PAK4: variants seen among roughly 807,000 people sequenced by gnomAD.
The protein encoded by PAK4 is serine/threonine-protein kinase PAK 4.
A neutral mutation model predicts 53.5 loss-of-function variants in PAK4; 49 were observed. The ratio of observed to expected loss-of-function variants is 0.92; its 90% confidence interval spans 0.73 to 1.16. The LOEUF (loss-of-function observed/expected upper bound fraction) is 1.16, where lower values mean the gene tolerates loss of function less well. PAK4 is among the 50% of genes most tolerant of loss of function. The pLI, the probability that PAK4 is intolerant of heterozygous loss-of-function variation, is 0.00. For synonymous variants in PAK4, 376 were observed against 375.6 expected (o/e 1.00, Z -0.01); for missense variants, 824 against 850.7 (o/e 0.97, Z 0.39).
chr19:39,180,721 G>A (rs978000100), downstream of PAK4: 1 of 152,294 alleles, frequency 6.6e-6, no homozygotes, highest in African/African-American at 2.4e-5. Flanking sequence ...TGGGATTACA[G>A]GCATGAGCCA....
At chr19:39,152,791 G>T (rs1159232094) in intron 1 of PAK4, among the ~76,000 whole-genome samples, 1 of 152,118 alleles carries the variant, frequency 6.6e-6, no homozygotes, top group Non-Finnish European at 1.5e-5. Context: ...CCCATTGGGG[G>T]TCTTGGAACA....
intron 7 of PAK4, 26 bp downstream of exon 8, chr19:39,176,741 C>T (rs200016679): frequency 1.2e-6 from 2 of 1,603,668 alleles, no homozygotes; most frequent in African/African-American, 2.7e-5. Context: ...GCTTGGTTGT[C>T]CCGCCGTGGA....
In PAK4 at chr19:39,133,785, C is replaced by T. The variant is rs139864774; in HGVS notation, c.-23+7866C>T. Among the ~76,000 whole-genome samples, 9 of 152,336 alleles carry T rather than the reference C, an allele frequency of 5.9e-5. No homozygotes were observed. In the East Asian group the frequency reaches 7.7e-4, roughly 13 times the overall value. ...CTCCTGATAAAGCAGCATTGTGCAGCGGTTTTGAGTTCACTTCCCAGCCCG... is the reference window on the plus strand; with the variant it reads ...CTCCTGATAAAGCAGCATTGTGCAGTGGTTTTGAGTTCACTTCCCAGCCCG... On this transcript the variant is annotated intron_variant, in intron 1 of 8. Coordinates refer to ENST00000358301, the Ensembl canonical transcript of PAK4.
At chr19:39,126,200 CAAAGT>C (rs964920372) in intron 1 of PAK4, among the ~76,000 whole-genome samples, 8 of 151,990 alleles carry the variant, frequency 5.3e-5, no homozygotes, top group African/African-American at 1.9e-4. Flanking sequence ...AAGGCAGGGT[CAAAGT>C]TAATAATTTG....
rs2074661910 is a variant in PAK4 at position 39,178,725 on chromosome 19, C to T, written c.*146C>T. ...CTCCTTGCTGGGGGTAGATGAGACCCTACTACTGAACTCCAGTTTTGATCT... is the reference window on the plus strand; with the variant it reads ...CTCCTTGCTGGGGGTAGATGAGACCTTACTACTGAACTCCAGTTTTGATCT... On this transcript the variant is annotated 3_prime_UTR_variant, in exon 9 of 9. Transcript: ENST00000358301. This position sits in a 1 kb window ranked among gnomAD's most constrained non-coding sequence, Gnocchi z 4.4. 1.5e-6 allele frequency: 1 copy of T among 651,052 alleles called. No individual in the cohort carries two copies. The highest frequency in any genetic ancestry group is 1.9e-5 in the African/African-American group (1 of 52,436). The allele number at this position is 651,052 out of a possible 1,614,324, so 40.3% of individuals were successfully genotyped here. A position where few individuals can be genotyped will look rare whatever the true frequency, so the allele number is the denominator to read the frequency against.
At chr19:39,172,783 C>T in intron 2 of PAK4, 135 bp from the exon 4 acceptor site, 2 of 765,946 alleles carry the variant, frequency 2.6e-6, no homozygotes, top group East Asian at 2.7e-5. Context: ...GCCATTGTCA[C>T]TCCATGGCAT....
intron 1 of PAK4, among the ~76,000 whole-genome samples, chr19:39,131,145 A>C (rs142995932): frequency 1.3e-5 from 2 of 152,130 alleles, no homozygotes; most frequent in Non-Finnish European, 2.9e-5. Context: ...TGGCAGAGGT[A>C]GGATTGAACC....
At chr19:39,128,996 G>A (rs556773228) in intron 1 of PAK4, among the ~76,000 whole-genome samples, 2 of 152,364 alleles carry the variant, frequency 1.3e-5, no homozygotes, top group East Asian at 3.9e-4. Context: ...GCCAGCAGGG[G>A]CTGACGACTG....
chr19:39,172,910 G>A lies in PAK4; in HGVS notation c.205-8G>A. On this transcript the variant is annotated splice_polypyrimidine_tract_variant and splice_region_variant and intron_variant, in intron 2 of 8. Transcript: ENST00000358301. ...TGGGCCCCCACCCACCATTGCCTGGGACCCCAGACCATCGTGCGGGGCAGC... is the reference window on the plus strand; with the variant it reads ...TGGGCCCCCACCCACCATTGCCTGGAACCCCAGACCATCGTGCGGGGCAGC... 3 of 1,519,676 alleles carry A rather than the reference G, an allele frequency of 2.0e-6. No individual in the cohort carries two copies. The highest frequency in any genetic ancestry group is 1.4e-5 in the African/African-American group (1 of 72,582). The allele number at this position is 1,519,676 out of a possible 1,614,324, so 94.1% of individuals were successfully genotyped here. A position where few individuals can be genotyped will look rare whatever the true frequency, so the allele number is the denominator to read the frequency against.
At chr19:39,140,235 T>G (rs1600321139) in intron 1 of PAK4, among the ~76,000 whole-genome samples, 1 of 152,294 alleles carries the variant, frequency 6.6e-6, no homozygotes, top group African/African-American at 2.4e-5. Context: ...TTTCTGTGTT[T>G]TGAGGCAGGA....
intron 1 of PAK4, among the ~76,000 whole-genome samples, chr19:39,129,981 T>G (rs1363658799): frequency 6.6e-6 from 1 of 152,056 alleles, no homozygotes. Context: ...AGCTCTACCC[T>G]TGTAGATTAT....
intron 1 of PAK4, among the ~76,000 whole-genome samples, chr19:39,154,692 A>G (rs1477708671): frequency 6.6e-6 from 1 of 152,130 alleles, no homozygotes. Context: ...GTGGCTGTCC[A>G]GAGCTGTCCA....
chr19:39,155,660 G>T (rs757923758), intron 1 of PAK4, among the ~76,000 whole-genome samples: 8 of 152,158 alleles, frequency 5.3e-5, no homozygotes, highest in Non-Finnish European at 8.8e-5. Flanking sequence ...TTTTTCTTCT[G>T]TTCCTGAACG....
chr19:39,173,526 G>A lies in PAK4; in HGVS notation c.664-50G>A, dbSNP rs2074532709. 4 of 1,451,914 alleles carry A rather than the reference G, an allele frequency of 2.8e-6. No individual in the cohort carries two copies. Among genetic ancestry groups the A allele is most frequent in the Non-Finnish European group, 3.7e-6 (4 of 1,076,258 alleles). The allele number at this position is 1,451,914 out of a possible 1,614,324, so 89.9% of individuals were successfully genotyped here. A position where few individuals can be genotyped will look rare whatever the true frequency, so the allele number is the denominator to read the frequency against. ...GGGTCTCTCTCCTGCTTAGGGAGCA[G>A]AGCTGCTCCCTGGCACCCATCACTG... is the stretch of plus-strand genomic sequence containing the variant. On this transcript the variant is annotated intron_variant, in intron 3 of 8. Transcript: ENST00000358301. The surrounding 1 kb of genome is among the most constrained non-coding windows in gnomAD (Gnocchi z 6.9).
chr19:39,163,050 G>A (rs530229342), intron 1 of PAK4, among the ~76,000 whole-genome samples: 2 of 152,234 alleles, frequency 1.3e-5, no homozygotes, highest in East Asian at 1.9e-4. Flanking sequence ...TCAGGACAGC[G>A]AGGAGCCTGC....
At chr19:39,182,248 T>C (rs1413691291), downstream of PAK4, 3 of 152,198 alleles carry the variant, frequency 2.0e-5, no homozygotes, top group African/African-American at 7.2e-5. Flanking sequence ...AGGAAGGCAC[T>C]CCTCTTTAAG....
rs892685464 is a variant in PAK4 at position 39,174,099 on chromosome 19, C to T, written c.1098+89C>T. On this transcript the variant is annotated intron_variant, in intron 4 of 8. Transcript: ENST00000358301. ...CCTCCTCCCTCCTCTCCCTGCACTCCTCCGTGCTGGGCCAGGCTCCCCTCC... is the reference window on the plus strand; with the variant it reads ...CCTCCTCCCTCCTCTCCCTGCACTCTTCCGTGCTGGGCCAGGCTCCCCTCC... 7 of 876,754 alleles carry T rather than the reference C, an allele frequency of 8.0e-6. No individual in the cohort carries two copies. The African/African-American group carries it at 8.5e-5, about 11-fold the overall frequency. 54.3% of individuals were successfully genotyped at this position (876,754 alleles called of 1,614,324 possible). A position where few individuals can be genotyped will look rare whatever the true frequency, so the allele number is the denominator to read the frequency against.
At chr19:39,162,851 G>A (rs1332398904) in intron 1 of PAK4, among the ~76,000 whole-genome samples, 2 of 152,142 alleles carry the variant, frequency 1.3e-5, no homozygotes, top group Non-Finnish European at 2.9e-5. Flanking sequence ...CGGGTCACTT[G>A]TGGGTGGAGT....
chr19:39,167,092 C>T (rs1337973159), intron 1 of PAK4, among the ~76,000 whole-genome samples: 1 of 152,202 alleles, frequency 6.6e-6, no homozygotes, highest in African/African-American at 2.4e-5. Context: ...CTCCAGGCTG[C>T]TCTTGCCCCG....
Sources: gnomAD v4.1 joint callset for allele counts (sites outside exome capture counted in the v4.1 genomes callset) on GRCh38, gnomAD v4.1.1 for gene constraint, Gnocchi (gnomAD v3.1) non-coding constraint, MANE v1.5 for transcripts, NCBI Gene and HGNC (gene_info 2026-07-23, HGNC 2026-07-21) for gene names.